SLC25A12: variants seen among roughly 807,000 people sequenced by gnomAD.
SLC25A12 encodes the protein electrogenic aspartate/glutamate antiporter SLC25A12, mitochondrial.
In SLC25A12, 32 loss-of-function variants were observed where a neutral mutation model predicts 83.3. The ratio of observed to expected loss-of-function variants is 0.38; its 90% CI spans 0.29 to 0.52. SLC25A12 has a LOEUF of 0.52. Ranked by LOEUF, SLC25A12 falls within the 20% of genes least tolerant of loss-of-function variation. The pLI is 0.84. For synonymous variants in SLC25A12, 267 were observed against 291.1 expected, an observed-to-expected ratio of 0.92 and a Z score of 0.84; for missense variants, 611 against 835.6, an observed-to-expected ratio of 0.73 and a Z score of 3.31.
chr2:171,885,236 T>C (rs1685792402), intron 2 of SLC25A12, among the ~76,000 whole-genome samples: 1 of 151,496 alleles, frequency 6.6e-6, no homozygotes, highest in Non-Finnish European at 1.5e-5. Flanking sequence ...TTAATAACAC[T>C]AATTTTCTTA....
At chr2:171,834,371 G>A in intron 7 of SLC25A12, 1 of 421,322 alleles carries the variant, frequency 2.4e-6, no homozygotes, top group South Asian at 2.7e-5. Flanking sequence ...AAAAAAAGTG[G>A]GTGTTCTCCA....
chr2:171,795,357 A>G (rs1002118630), intron 13 of SLC25A12, among the ~76,000 whole-genome samples: 1 of 152,232 alleles, frequency 6.6e-6, no homozygotes, highest in African/African-American at 2.4e-5. Flanking sequence ...GGCAGAAGGA[A>G]GCACTTTAAT....
intron 2 of SLC25A12, among the ~76,000 whole-genome samples, chr2:171,877,956 A>T (rs1391240094): frequency 6.6e-6 from 1 of 152,228 alleles, no homozygotes; most frequent in Non-Finnish European, 1.5e-5. Context: ...GGTTACTTTT[A>T]AAAAATTATA....
At chr2:171,826,010 C>T (rs899129958) in intron 9 of SLC25A12, among the ~76,000 whole-genome samples, 4 of 152,140 alleles carry the variant, frequency 2.6e-5, no homozygotes, top group Admixed American at 1.3e-4. Context: ...ATGTAATTAA[C>T]AGTCAGGGTT....
chr2:171,838,420 C>T (rs116250502), intron 5 of SLC25A12, among the ~76,000 whole-genome samples: 494 of 152,226 alleles, frequency 3.2e-3, no homozygotes, highest in Admixed American at 5.2e-3. Context: ...TGAAATTGGT[C>T]CCCATGGCAA....
At chr2:171,834,342 T>C (rs1421411885) in intron 7 of SLC25A12, 1 of 436,268 alleles carries the variant, frequency 2.3e-6, no homozygotes, top group Non-Finnish European at 4.1e-6. Flanking sequence ...ATTCACTTTG[T>C]TCTCCAGAGT....
intron 13 of SLC25A12, among the ~76,000 whole-genome samples, chr2:171,804,275 T>TTTA (rs1683776280): frequency 8.4e-6 from 1 of 119,100 alleles, no homozygotes; most frequent in South Asian, 3.1e-4. Flanking sequence ...TTATTTATTT[T>TTTA]GAGACAGAGT....
At chr2:171,831,188 C>T (rs1320035327) in intron 8 of SLC25A12, among the ~76,000 whole-genome samples, 1 of 152,220 alleles carries the variant, frequency 6.6e-6, no homozygotes, top group Admixed American at 6.5e-5. Context: ...ACTCTTGATG[C>T]CCATGAAAGG....
intron 13 of SLC25A12, among the ~76,000 whole-genome samples, chr2:171,800,947 G>GA (rs528080754): frequency 1.2e-4 from 18 of 152,194 alleles, no homozygotes; most frequent in Non-Finnish European, 2.1e-4. Context: ...GGGTAAGGGA[G>GA]AAGGGACTGA....
intron 9 of SLC25A12, among the ~76,000 whole-genome samples, chr2:171,822,556 T>C (rs1362089099): frequency 6.6e-6 from 1 of 152,144 alleles, no homozygotes; most frequent in Non-Finnish European, 1.5e-5. Flanking sequence ...GCTAATTTTT[T>C]GTATGTTTTT....
At chr2:171,882,921 A>C (rs1685726811) in intron 2 of SLC25A12, among the ~76,000 whole-genome samples, 2 of 152,208 alleles carry the variant, frequency 1.3e-5, no homozygotes, top group Non-Finnish European at 2.9e-5. Flanking sequence ...GAGCGAATGA[A>C]GTTTCAGAAG....
intron 1 of SLC25A12, 145 bp from the exon 2 acceptor site, chr2:171,893,403 T>C (rs1685986773): frequency 2.6e-6 from 2 of 766,616 alleles, no homozygotes; most frequent in Non-Finnish European, 4.4e-6. Flanking sequence ...TAATTGCTGA[T>C]AAGAACTGTC....
rs1018903231 is a variant in SLC25A12 at position 171,784,648 on chromosome 2, C to T, written c.*626G>A. The T allele has an allele frequency of 1.8e-5, 3 of 164,406 alleles. No individual in the cohort carries two copies. The highest frequency in any genetic ancestry group is 7.2e-5 in the African/African-American group (3 of 41,524). 10.2% of individuals were successfully genotyped at this position (164,406 alleles called of 1,614,324 possible). A position where few individuals can be genotyped will look rare whatever the true frequency, so the allele number is the denominator to read the frequency against. Reference sequence around the variant, plus strand: ...AGCACACACAAGTCATTAGCCTGGTCCTCTGGCATCCACTGGCATGCATCT... The same window carrying T: ...AGCACACACAAGTCATTAGCCTGGTTCTCTGGCATCCACTGGCATGCATCT... On this transcript the variant is annotated 3_prime_UTR_variant, in exon 18 of 18. Transcript: ENST00000422440.
At chr2:171,884,383 G>T (rs2105930153) in intron 2 of SLC25A12, among the ~76,000 whole-genome samples, 1 of 151,696 alleles carries the variant, frequency 6.6e-6, no homozygotes, top group South Asian at 2.1e-4. Flanking sequence ...TAGAGACGGG[G>T]TTTCACCTTG....
intron 9 of SLC25A12, among the ~76,000 whole-genome samples, chr2:171,819,310 T>C (rs1184620425): frequency 1.6e-5 from 2 of 126,498 alleles, no homozygotes; most frequent in Non-Finnish European, 3.2e-5. Flanking sequence ...GAATTATAAT[T>C]ATATATAATA....
chr2:171,863,201 T>C (rs1265466959), intron 3 of SLC25A12, among the ~76,000 whole-genome samples: 3 of 152,004 alleles, frequency 2.0e-5, no homozygotes, highest in African/African-American at 7.3e-5. Context: ...CTGTGCCCAG[T>C]AGAGAATATC....
At chr2:171,889,624 A>AC (rs1263857198) in intron 2 of SLC25A12, among the ~76,000 whole-genome samples, 1 of 152,232 alleles carries the variant, frequency 6.6e-6, no homozygotes, top group African/African-American at 2.4e-5. Flanking sequence ...CTAGACAGTT[A>AC]CAGTGTAAAG....
chr2:171,846,613 C>G (rs1312124311), intron 4 of SLC25A12, among the ~76,000 whole-genome samples: 2 of 152,136 alleles, frequency 1.3e-5, no homozygotes, highest in Non-Finnish European at 2.9e-5. Context: ...AGAGACCAAC[C>G]TGGTCCCCAT....
chr2:171,801,879 C>G (rs1046974733), intron 13 of SLC25A12, among the ~76,000 whole-genome samples: 2 of 150,340 alleles, frequency 1.3e-5, no homozygotes, highest in African/African-American at 4.9e-5. Flanking sequence ...ACAATGTAAC[C>G]TCATTGGAAG....
Sources: allele counts gnomAD v4.1 joint callset (sites outside exome capture counted in the v4.1 genomes callset), GRCh38; gene constraint gnomAD v4.1.1; transcripts MANE v1.5; gene names NCBI Gene and HGNC (gene_info 2026-07-23, HGNC 2026-07-21).